DYNC2H1: variants seen among roughly 807,000 people sequenced by gnomAD.
The protein encoded by DYNC2H1 is dynein cytoplasmic 2 heavy chain 1.
A neutral mutation model predicts 570.0 loss-of-function variants in DYNC2H1; 410 were observed. That is an observed-to-expected ratio of 0.72 (90% confidence interval 0.66 to 0.78). The LOEUF (loss-of-function observed/expected upper bound fraction) is 0.78. Among genes scored for constraint, DYNC2H1 ranks in the 30% least tolerant of loss-of-function variants. The pLI, the probability that DYNC2H1 is intolerant of heterozygous loss-of-function variation, is 0.00. For synonymous variants in DYNC2H1, 1,688 were observed against 1,677.6 expected (o/e 1.01, Z -0.15); for missense variants, 4,865 against 5,046.4 (o/e 0.96, Z 1.09).
In DYNC2H1 at chr11:103,245,102, T is replaced by C; in HGVS notation, c.9919-149T>C. 1.7e-6 allele frequency: 1 copy of C among 605,084 alleles called. No homozygotes were observed. The allele number at this position is 605,084 out of a possible 1,614,324, so 37.5% of individuals were successfully genotyped here. On this transcript the variant is annotated intron_variant, in intron 64 of 88. Transcript: ENST00000375735. This position sits in a 1 kb window ranked among gnomAD's most constrained non-coding sequence, Gnocchi z 4.5. ...GAACATAAGCAGAGTAGGGTTCTTA[T>C]TAATACTTGGGTGAGTAATTTATTA... is the stretch of plus-strand genomic sequence containing the variant.
intron 73 of DYNC2H1, among the ~76,000 whole-genome samples, chr11:103,285,355 C>A (rs1326960624): frequency 1.3e-5 from 2 of 151,146 alleles, no homozygotes; most frequent in Non-Finnish European, 2.9e-5. Context: ...CTGGTGAAGG[C>A]AGATCAAGAT....
At chr11:103,231,837 G>A (rs1044430378) in intron 60 of DYNC2H1, among the ~76,000 whole-genome samples, 11 of 151,428 alleles carry the variant, frequency 7.3e-5, no homozygotes, top group South Asian at 2.1e-4. Flanking sequence ...TTTTCTCTAC[G>A]TTCAGGAAAC....
At chr11:103,399,581 AG>A (rs1942551412) in intron 83 of DYNC2H1, 81 bp from the exon 84 acceptor site, 2 of 940,728 alleles carry the variant, frequency 2.1e-6, no homozygotes, top group Non-Finnish European at 1.6e-6. Context: ...ATAGAACAAA[AG>A]GTTTAAATAA....
intron 83 of DYNC2H1, among the ~76,000 whole-genome samples, chr11:103,392,252 T>G (rs190663698): frequency 1.3e-5 from 2 of 152,216 alleles, no homozygotes; most frequent in African/African-American, 2.4e-5. Context: ...CTCAGACTGC[T>G]GTGCTAGCAA....
intron 20 of DYNC2H1, among the ~76,000 whole-genome samples, chr11:103,150,460 G>A (rs1449415628): frequency 6.6e-6 from 1 of 152,098 alleles, no homozygotes; most frequent in South Asian, 2.1e-4. Context: ...AAATCAAAAT[G>A]TCTCTTAGGA....
At chr11:103,411,229 T>C (rs1478399138) in intron 84 of DYNC2H1, among the ~76,000 whole-genome samples, 1 of 152,096 alleles carries the variant, frequency 6.6e-6, no homozygotes, top group African/African-American at 2.4e-5. Flanking sequence ...TAAAGTTGAG[T>C]TGGCAGAGGT....
At chr11:103,274,847 C>A (rs910719053) in intron 70 of DYNC2H1, among the ~76,000 whole-genome samples, 5 of 152,140 alleles carry the variant, frequency 3.3e-5, no homozygotes, top group African/African-American at 1.2e-4. Flanking sequence ...GTAATCCCAA[C>A]ACTTTGGGAG....
chr11:103,444,997 C>T (rs1944378550), intron 85 of DYNC2H1, among the ~76,000 whole-genome samples: 1 of 152,120 alleles, frequency 6.6e-6, no homozygotes, highest in Non-Finnish European at 1.5e-5. Context: ...TATGAATAAG[C>T]TATAGGGAGG....
intron 78 of DYNC2H1, 38 bp from the exon 79 acceptor site, chr11:103,311,840 G>A: frequency 6.4e-7 from 1 of 1,555,240 alleles, no homozygotes; most frequent in Non-Finnish European, 8.7e-7. Context: ...TTACTTGTAG[G>A]ATTTTAGCAA....
At position 103,122,879 on chromosome 11, in the gene DYNC2H1, C is replaced by T. The variant is rs1565317399; in HGVS notation, c.1540C>T (p.Arg514Ter). The T allele has an allele frequency of 5.0e-6, 8 of 1,613,114 alleles. No homozygotes were observed. The highest frequency in any genetic ancestry group is 1.3e-5 in the African/African-American group (1 of 75,018). ...TCTTTTATCTGACTTGCCAGGATTT[C>T]GATGTTTCCATCAAAGTGCCAAAGA... Reference protein sequence around the residue: ...EALLSDLPGFRCFHQSAKDLL... With the variant: ...EALLSDLPGF Residue 514 changes from arginine to a stop codon, truncating the protein, a stop_gained, in exon 11 of 89, where the codon CGA becomes TGA. Transcript: ENST00000375735. LOFTEE classifies it high-confidence loss of function.
At chr11:103,437,473 A>G (rs1944106036) in intron 85 of DYNC2H1, among the ~76,000 whole-genome samples, 1 of 151,338 alleles carries the variant, frequency 6.6e-6, no homozygotes, top group Non-Finnish European at 1.5e-5. Flanking sequence ...TTTGGCTTCT[A>G]TTATAACCAG....
chr11:103,438,995 G>T (rs1031376632), intron 85 of DYNC2H1, among the ~76,000 whole-genome samples: 1 of 152,006 alleles, frequency 6.6e-6, no homozygotes. Context: ...AGATAATTCC[G>T]CAAATGTGAT....
Position 103,160,427 on chromosome 11 carries a change from T to A in DYNC2H1, c.4379-505T>A, listed in dbSNP as rs1040934815. On this transcript the variant is annotated intron_variant, in intron 28 of 88. Transcript: ENST00000375735. ...GACATACATTTTTATTTGTATTGGA[T>A]AAACACCTAGTTTTGGAATTGCTAA... 1.2e-4 allele frequency among the ~76,000 whole-genome samples: 19 copies of A among 152,156 alleles called. No homozygotes were observed. In the South Asian group the frequency reaches 3.9e-3, roughly 32 times the overall value.
chr11:103,223,833 C>T (rs568730398), intron 59 of DYNC2H1, among the ~76,000 whole-genome samples: 10 of 151,572 alleles, frequency 6.6e-5, no homozygotes, highest in Non-Finnish European at 8.8e-5. Context: ...CTTCAACCTC[C>T]GCCTCCCGGG....
At chr11:103,114,067 G>A in intron 2 of DYNC2H1, 36 bp from the exon 3 acceptor site, 1 of 1,595,532 alleles carries the variant, frequency 6.3e-7, no homozygotes, top group African/African-American at 1.3e-5. Context: ...GCAAAATTTT[G>A]ATCAATCTTG....
At chr11:103,444,130 C>T (rs1254600705) in intron 85 of DYNC2H1, among the ~76,000 whole-genome samples, 1 of 147,716 alleles carries the variant, frequency 6.8e-6, no homozygotes, top group African/African-American at 2.4e-5. Flanking sequence ...AAAATGTTTC[C>T]AGCTTTTTAA....
Position 103,256,523 on chromosome 11 carries a change from GAAATGAGTATATTGA to G in DYNC2H1, c.10461+294_10461+308del. On this transcript the variant is annotated intron_variant, in intron 68 of 88. Coordinates refer to ENST00000375735, the MANE Select transcript of DYNC2H1 (RefSeq NM_001377.3). The surrounding 1 kb of genome is among the most constrained non-coding windows in gnomAD (Gnocchi z 4.0). ...GAGCTGCAGTTTTGTACTAAAATTG[GAAATGAGTATATTGA>G]AAATGAGTATTAGAGAATATCTTTG... 6.6e-6 allele frequency among the ~76,000 whole-genome samples: 1 copy of G among 152,250 alleles called. No individual in the cohort carries two copies. The highest frequency in any genetic ancestry group is 2.4e-5 in the African/African-American group (1 of 41,550).
rs150292637 is a variant in DYNC2H1 at position 103,157,873 on chromosome 11, A to G, written c.4128-804A>G. ...TGCTGCTCTCCATTTTGCTTTAGTG[A>G]CTCTAGCTTTTAGTTTCTCGGTCAT... On this transcript the variant is annotated intron_variant, in intron 26 of 88. Transcript: ENST00000375735. The surrounding 1 kb of genome is among the most constrained non-coding windows in gnomAD (Gnocchi z 4.2). Among the ~76,000 whole-genome samples, 1 of 150,140 alleles carries G rather than the reference A, an allele frequency of 6.7e-6. No individual in the cohort carries two copies. The highest frequency in any genetic ancestry group is 2.0e-4 in the East Asian group (1 of 5,124).
In DYNC2H1 at chr11:103,133,619, G is replaced by A. The variant is rs1410235301; in HGVS notation, c.2018G>A (p.Gly673Asp). 6.2e-7 allele frequency: 1 copy of A among 1,612,806 alleles called. No homozygotes were observed. Among genetic ancestry groups the A allele is most frequent in the Non-Finnish European group, 8.5e-7 (1 of 1,179,602 alleles). The part of the protein sequence containing the change: ...ITWDNPKELE[G>D]YIQKLQNAAE... ...TGGGATAATCCTAAAGAATTAGAAG[G>A]CTATATCCAAAAACTCCAAAATGCT... The change falls in exon 14 of 89, where the codon GGC becomes GAC. Residue 673 changes from glycine to aspartate, a missense_variant. By Grantham distance (94) the Gly-to-Asp change is moderately conservative. Around this residue, in one of 5 missense-constraint regions of DYNC2H1, gnomAD observed 1,936 missense variants for 1,962.1 expected, o/e 0.99. Coordinates refer to ENST00000375735, the MANE Select transcript of DYNC2H1 (RefSeq NM_001377.3). The surrounding 1 kb of genome is among the most constrained non-coding windows in gnomAD (Gnocchi z 4.8).
Sources: allele counts gnomAD v4.1 joint callset (sites outside exome capture counted in the v4.1 genomes callset), GRCh38; gene constraint gnomAD v4.1.1; regional missense constraint gnomAD v4.1.1; non-coding constraint Gnocchi (gnomAD v3.1); transcripts MANE v1.5; gene names NCBI Gene and HGNC (gene_info 2026-07-23, HGNC 2026-07-21).